ROBO2: variants seen among roughly 807,000 people sequenced by gnomAD.
ROBO2 encodes the protein roundabout homolog 2.
Under a neutral mutation model 160.8 loss-of-function variants are expected in ROBO2, and 53 were observed. The observed-to-expected ratio is 0.33, with a 90% CI of 0.26 to 0.41. The LOEUF is 0.41. Among genes scored for constraint, ROBO2 ranks in the 10% least tolerant of loss-of-function variants. ROBO2 has a pLI of 1.00. For missense variants in ROBO2, 1,577 were observed against 1,722.4 expected (o/e 0.92, Z 1.49); for synonymous variants, 664 against 611.7 (o/e 1.09, Z -1.26).
At chr3:76,086,969 A>T (rs1413832786) in intron 2 of ROBO2, among the ~76,000 whole-genome samples, 1 of 152,152 alleles carries the variant, frequency 6.6e-6, no homozygotes, top group Non-Finnish European at 1.5e-5. Flanking sequence ...GGAGAATATG[A>T]CTACAGAAAC....
intron 2 of ROBO2, among the ~76,000 whole-genome samples, chr3:76,759,555 G>A (rs1442239463): frequency 6.6e-6 from 1 of 151,768 alleles, no homozygotes; most frequent in Non-Finnish European, 1.5e-5. Flanking sequence ...CTCCGGAAAA[G>A]TGAGTTAAAT....
intron 2 of ROBO2, among the ~76,000 whole-genome samples, chr3:76,705,112 A>T (rs2093133503): frequency 6.6e-6 from 1 of 152,100 alleles, no homozygotes; most frequent in South Asian, 2.1e-4. Flanking sequence ...TTAGTTACAC[A>T]AATACAGGAG....
At chr3:76,745,716 C>G (rs562966006) in intron 2 of ROBO2, among the ~76,000 whole-genome samples, 14 of 152,016 alleles carry the variant, frequency 9.2e-5, no homozygotes, top group Admixed American at 8.5e-4. Flanking sequence ...TTTGAATCTC[C>G]TCTGCATTTT....
intron 2 of ROBO2, among the ~76,000 whole-genome samples, chr3:76,414,098 C>T (rs1391004806): frequency 1.3e-5 from 2 of 152,012 alleles, no homozygotes; most frequent in Non-Finnish European, 2.9e-5. Context: ...GAGACTTATT[C>T]ACTATCTTAA....
intron 2 of ROBO2, among the ~76,000 whole-genome samples, chr3:76,944,119 A>G (rs2078364127): frequency 6.6e-6 from 1 of 152,162 alleles, no homozygotes; most frequent in Non-Finnish European, 1.5e-5. Context: ...ACTTTTTCCA[A>G]TTAAAAGGTC....
At chr3:76,783,464 T>A (rs1051915318) in intron 2 of ROBO2, among the ~76,000 whole-genome samples, 1 of 150,776 alleles carries the variant, frequency 6.6e-6, no homozygotes, top group African/African-American at 2.4e-5. Context: ...CTCTTTCATT[T>A]CTGAAGAATA....
intron 2 of ROBO2, among the ~76,000 whole-genome samples, chr3:76,773,638 AAGAG>A (rs2062052579): frequency 6.6e-6 from 1 of 150,856 alleles, no homozygotes; most frequent in Non-Finnish European, 1.5e-5. Context: ...TACATTCTCA[AAGAG>A]AGAGACTAAT....
chr3:76,567,828 G>T (rs1365872379), intron 2 of ROBO2, among the ~76,000 whole-genome samples: 1 of 137,636 alleles, frequency 7.3e-6, no homozygotes, highest in Non-Finnish European at 1.6e-5. Context: ...TTTTTTGGGG[G>T]GGGTTGGACA....
intron 2 of ROBO2, among the ~76,000 whole-genome samples, chr3:76,832,590 G>A (rs1039799365): frequency 2.0e-5 from 3 of 152,102 alleles, no homozygotes; most frequent in Non-Finnish European, 4.4e-5. Flanking sequence ...CTAGAATTAG[G>A]TGGGCACTGA....
chr3:77,598,279 A>G (rs1462929869), intron 19 of ROBO2, among the ~76,000 whole-genome samples: 1 of 151,806 alleles, frequency 6.6e-6, no homozygotes, highest in Non-Finnish European at 1.5e-5. Context: ...CTATATTTGA[A>G]GTTGTATTTC....
chr3:76,583,826 G>C (rs578018861), intron 2 of ROBO2, among the ~76,000 whole-genome samples: 32 of 152,074 alleles, frequency 2.1e-4, no homozygotes, highest in Non-Finnish European at 4.4e-4. Flanking sequence ...ACTAAACAGT[G>C]GATCTGAATT....
chr3:76,126,390 C>T (rs1034329649), intron 2 of ROBO2, among the ~76,000 whole-genome samples: 14 of 151,974 alleles, frequency 9.2e-5, no homozygotes, highest in South Asian at 4.1e-4. Context: ...TATATATTCA[C>T]GGTTGGACCT....
At chr3:76,304,189 G>A (rs573358503) in intron 2 of ROBO2, among the ~76,000 whole-genome samples, 7 of 152,256 alleles carry the variant, frequency 4.6e-5, no homozygotes, top group East Asian at 3.9e-4. Context: ...CATACATTGT[G>A]CAAAAAACAA....
intron 2 of ROBO2, among the ~76,000 whole-genome samples, chr3:77,441,600 A>G (rs1043243232): frequency 6.6e-6 from 1 of 152,162 alleles, no homozygotes; most frequent in Non-Finnish European, 1.5e-5. Context: ...GCTGTACTGC[A>G]TAAGAAATCA....
intron 1 of ROBO2, among the ~76,000 whole-genome samples, chr3:77,076,725 C>A (rs1359150269): frequency 6.6e-6 from 1 of 152,214 alleles, no homozygotes; most frequent in Non-Finnish European, 1.5e-5. Flanking sequence ...GCATAACACA[C>A]AGATAAATCT....
intron 2 of ROBO2, among the ~76,000 whole-genome samples, chr3:76,584,975 C>T (rs550908885): frequency 4.6e-5 from 7 of 152,268 alleles, no homozygotes; most frequent in African/African-American, 1.7e-4. Flanking sequence ...GCCGTTTTCT[C>T]ATTCAACAGC....
chr3:76,810,093 A>T (rs1487073394), intron 2 of ROBO2, among the ~76,000 whole-genome samples: 1 of 152,104 alleles, frequency 6.6e-6, no homozygotes, highest in Non-Finnish European at 1.5e-5. Context: ...AGCCTAGGAG[A>T]TTAGAAGAAT....
intron 2 of ROBO2, among the ~76,000 whole-genome samples, chr3:76,683,861 T>A (rs1003653087): frequency 6.6e-6 from 1 of 152,098 alleles, no homozygotes; most frequent in Non-Finnish European, 1.5e-5. Context: ...CGTTTGAAAT[T>A]TAAATTGAAC....
chr3:76,805,011 T>G (rs543521710), intron 2 of ROBO2, among the ~76,000 whole-genome samples: 1 of 152,286 alleles, frequency 6.6e-6, no homozygotes, highest in South Asian at 2.1e-4. Context: ...ACCTTTTTTG[T>G]GATAATCCCA....
Sources: gnomAD v4.1 joint callset for allele counts (sites outside exome capture counted in the v4.1 genomes callset) on GRCh38, gnomAD v4.1.1 for gene constraint, MANE v1.5 for transcripts, NCBI Gene and HGNC (gene_info 2026-07-23, HGNC 2026-07-21) for gene names.